Variants in ITSN1 observed in about 807,000 individuals in gnomAD.
ITSN1 encodes intersectin-1.
Under a neutral mutation model 239.8 loss-of-function variants are expected in ITSN1, and 58 were observed. That is an observed-to-expected ratio of 0.24 (90% CI 0.20 to 0.30). ITSN1 has a LOEUF of 0.30. Ranked by LOEUF, ITSN1 falls within the 10% of genes least tolerant of loss-of-function variation. The pLI is 1.00. For missense variants in ITSN1, 1,558 were observed against 2,103.3 expected, an observed-to-expected ratio of 0.74 and a Z score of 5.07; for synonymous variants, 780 against 770.8, an observed-to-expected ratio of 1.01 and a Z score of -0.20.
intron 1 of ITSN1, among the ~76,000 whole-genome samples, chr21:33,701,985 T>A (rs1294126810): frequency 6.7e-6 from 1 of 149,960 alleles, no homozygotes; most frequent in Non-Finnish European, 1.5e-5. Context: ...GGAGAAGTGC[T>A]TGAACCTGGA....
chr21:33,696,206 C>A (rs1475279200), intron 1 of ITSN1, among the ~76,000 whole-genome samples: 3 of 152,128 alleles, frequency 2.0e-5, no homozygotes, highest in Admixed American at 2.0e-4. Context: ...GGACTTCTCC[C>A]ATTCTTTACA....
At chr21:33,886,596 G>C (rs1985838146) in intron 39 of ITSN1, 136 bp downstream of exon 39, 1 of 757,510 alleles carries the variant, frequency 1.3e-6, no homozygotes, top group African/African-American at 1.8e-5. Flanking sequence ...GCTGGCACAA[G>C]ACGAGGCTCT....
chr21:33,764,871 A>G (rs2068612383), intron 9 of ITSN1, among the ~76,000 whole-genome samples: 1 of 152,220 alleles, frequency 6.6e-6, no homozygotes, highest in African/African-American at 2.4e-5. Context: ...GTAATTAGCT[A>G]CTTGGGCAAG....
chr21:33,749,976 T>C, intron 5 of ITSN1, 167 bp from the exon 6 acceptor site: 2 of 648,568 alleles, frequency 3.1e-6, no homozygotes, highest in Non-Finnish European at 5.4e-6. Context: ...GATGTGATCC[T>C]TGACATAATT....
chr21:33,774,631 C>A, intron 12 of ITSN1, 98 bp from the exon 13 acceptor site: 1 of 1,074,216 alleles, frequency 9.3e-7, no homozygotes, highest in Non-Finnish European at 1.3e-6. Context: ...AATATTTCAT[C>A]CCTAAAAGGA....
chr21:33,703,874 T>TTGTC (rs2092131875), intron 1 of ITSN1, among the ~76,000 whole-genome samples: 1 of 152,224 alleles, frequency 6.6e-6, no homozygotes, highest in Non-Finnish European at 1.5e-5. Context: ...TTTCCGTGTG[T>TTGTC]TGTCTCCTCG....
intron 38 of ITSN1, 60 bp downstream of exon 38, chr21:33,885,582 C>T (rs1211848957): frequency 1.6e-6 from 2 of 1,250,448 alleles, no homozygotes; most frequent in African/African-American, 1.5e-5. Context: ...TCCGGGTTCC[C>T]CACACCCCCA....
At chr21:33,736,270 C>T (rs941388086) in intron 5 of ITSN1, among the ~76,000 whole-genome samples, 10 of 152,226 alleles carry the variant, frequency 6.6e-5, no homozygotes, top group East Asian at 1.9e-4. Flanking sequence ...AAATAGATTT[C>T]GGAGGGGGCA....
chr21:33,868,436 C>T (rs59633778), intron 33 of ITSN1, among the ~76,000 whole-genome samples: 56,684 of 152,136 alleles, frequency 0.37, 11,185 homozygotes, highest in East Asian at 0.5. Context: ...TCAGGCATGG[C>T]GGGCTGCAGT....
At position 33,797,483 on chromosome 21, in the gene ITSN1, A is replaced by G; in HGVS notation, c.2057A>G (p.Glu686Gly). The change falls in exon 18 of 40, where the codon GAG becomes GGG. Residue 686 changes from glutamate to glycine, a missense_variant. Physicochemically the swap from Glu to Gly is moderately conservative, Grantham distance 98. Transcript: ENST00000381318. This position sits in a 1 kb window ranked among gnomAD's most constrained non-coding sequence, Gnocchi z 4.9. ...LHEEEKLKRE[E>G]SVKKKDGEEK... is the part of the protein sequence containing the mutation. ...GAAGAGGAAAAACTGAAAAGGGAGG[A>G]GAGTGTCAAAAAGAAGGATGGCGAG... 1.9e-6 allele frequency: 3 copies of G among 1,614,170 alleles called. No individual in the cohort carries two copies. Among genetic ancestry groups the G allele is most frequent in the Non-Finnish European group, 2.5e-6 (3 of 1,180,028 alleles).
chr21:33,767,757 C>T lies in ITSN1; in HGVS notation c.971C>T (p.Ser324Phe), dbSNP rs1387263667. The change falls in exon 11 of 40, where the codon TCT becomes TTT. Residue 324 changes from serine to phenylalanine, a missense_variant. This residue lies in a region of ITSN1 where 982 missense variants were observed against 1,209.9 expected (regional missense o/e 0.81). Transcript: ENST00000381318. Reference protein sequence around the residue: ...GSGISVISSTSVDQRLPEEPV... With the variant: ...GSGISVISSTFVDQRLPEEPV... ...GGTATATCTGTCATAAGCTCAACAT[C>T]TGTAGATCAGAGGCTACCAGAGGAA... The T allele has an allele frequency of 1.2e-6, 2 of 1,613,112 alleles. No individual in the cohort carries two copies. The highest frequency in any genetic ancestry group is 2.7e-5 in the African/African-American group (2 of 74,898).
At chr21:33,782,423 T>G (rs2147898128) in intron 16 of ITSN1, among the ~76,000 whole-genome samples, 2 of 152,380 alleles carry the variant, frequency 1.3e-5, no homozygotes, top group Middle Eastern at 6.8e-3. Context: ...AGCTTTATCT[T>G]TCTTATGTTC....
chr21:33,671,794 AT>A (rs2090302819), intron 1 of ITSN1, among the ~76,000 whole-genome samples: 1 of 151,498 alleles, frequency 6.6e-6, no homozygotes, highest in African/African-American at 2.4e-5. Flanking sequence ...TCCGTCTCAA[AT>A]AAATAAATAA....
In ITSN1 at chr21:33,718,834, T is replaced by C. The variant is rs1206288767; in HGVS notation, c.6T>C (p.Ala2=). The C allele has an allele frequency of 2.5e-6, 4 of 1,613,468 alleles. No homozygotes were observed. Among genetic ancestry groups the C allele is most frequent in the Admixed American group, 1.7e-5 (1 of 59,946 alleles). Reference sequence around the variant, plus strand: ...AAGGTAAAAGTAACAGAACCATGGCTCAGTTTCCAACACCTTTTGGTGGTA... The same window carrying C: ...AAGGTAAAAGTAACAGAACCATGGCCCAGTTTCCAACACCTTTTGGTGGTA... The part of the protein sequence containing the change: M[A]QFPTPFGGSL... Residue 2 remains alanine, a synonymous_variant, in exon 2 of 40, where the codon GCT becomes GCC. Transcript: ENST00000381318.
chr21:33,877,077 G>A (rs1359077570), intron 34 of ITSN1, among the ~76,000 whole-genome samples: 1 of 7,360 alleles, frequency 1.4e-4, no homozygotes, highest in Admixed American at 6.1e-4. Flanking sequence ...TTTTTGAAAT[G>A]GAGTCTCGCT....
In ITSN1 at chr21:33,894,374, A is replaced by G. The variant is rs1040891818; in HGVS notation, c.*6074A>G. On this transcript the variant is annotated 3_prime_UTR_variant, in exon 40 of 40. Coordinates refer to ENST00000381318, the MANE Select transcript of ITSN1 (RefSeq NM_003024.3). ...TGTGTGCTTGTCAAATTTCAGGGTC[A>G]GTTTCCCCTTATTGGATGTCAGGGG... The G allele has an allele frequency of 3.3e-5, 5 of 152,136 alleles. No homozygotes were observed. Among genetic ancestry groups the G allele is most frequent in the Non-Finnish European group, 5.9e-5 (4 of 68,038 alleles). 9.4% of individuals were successfully genotyped at this position (152,136 alleles called of 1,614,324 possible). A position where few individuals can be genotyped will look rare whatever the true frequency, so the allele number is the denominator to read the frequency against.
chr21:33,797,846 G>A lies in ITSN1; in HGVS notation c.2182+238G>A, dbSNP rs1407062681. ...ACACTGGCATCCACGAGTCCTCTAC[G>A]GAGCTAACAAGTGGCGTGAAGTTCC... On this transcript the variant is annotated intron_variant, in intron 18 of 39. Transcript: ENST00000381318. The surrounding 1 kb of genome is among the most constrained non-coding windows in gnomAD (Gnocchi z 4.9). Among the ~76,000 whole-genome samples the A allele has an allele frequency of 6.6e-6, 1 of 152,000 alleles. No individual in the cohort carries two copies. The highest frequency in any genetic ancestry group is 2.4e-5 in the African/African-American group (1 of 41,386).
chr21:33,883,894 GTTTT>G (rs34448559), intron 36 of ITSN1, among the ~76,000 whole-genome samples: 1 of 109,776 alleles, frequency 9.1e-6, no homozygotes, highest in Non-Finnish European at 1.8e-5. Flanking sequence ...TTTTGCTTGA[GTTTT>G]TTTTTTTTTT....
intron 1 of ITSN1, among the ~76,000 whole-genome samples, chr21:33,689,004 G>A (rs1320277398): frequency 1.3e-5 from 2 of 151,890 alleles, no homozygotes; most frequent in African/African-American, 2.4e-5. Context: ...GTAGAGATGG[G>A]GTTTCACCGT....
Sources: allele counts gnomAD v4.1 joint callset (sites outside exome capture counted in the v4.1 genomes callset), GRCh38; gene constraint gnomAD v4.1.1; regional missense constraint gnomAD v4.1.1; non-coding constraint Gnocchi (gnomAD v3.1); transcripts MANE v1.5; gene names NCBI Gene and HGNC (gene_info 2026-07-23, HGNC 2026-07-21).